The following EPN2 variants were observed in gnomAD, a reference collection of about 807,000 sequenced individuals.
The protein encoded by EPN2 is epsin 2, also known as epsin-2.
EPN2 carries 34 observed loss-of-function variants against 61.7 expected under a neutral mutation model. That is an observed-to-expected ratio of 0.55 (90% confidence interval 0.42 to 0.73). The LOEUF is 0.73. Among genes scored for constraint, EPN2 ranks in the 30% least tolerant of loss-of-function variants. The pLI is 0.00. For synonymous variants in EPN2, 349 were observed against 353.6 expected (o/e 0.99, Z 0.15); for missense variants, 714 against 839.2 (o/e 0.85, Z 1.84).
chr17:19,330,957 G>A (rs965240041), intron 9 of EPN2, among the ~76,000 whole-genome samples: 2 of 152,180 alleles, frequency 1.3e-5, no homozygotes, highest in African/African-American at 4.8e-5. Flanking sequence ...AGCCTTGATC[G>A]ATCGCCCAGG....
intron 4 of EPN2, among the ~76,000 whole-genome samples, chr17:19,291,162 G>A (rs1466290969): frequency 6.6e-6 from 1 of 152,230 alleles, no homozygotes; most frequent in Non-Finnish European, 1.5e-5. Flanking sequence ...GAAAAGCCAG[G>A]ATTGTATACA....
intron 1 of EPN2, among the ~76,000 whole-genome samples, chr17:19,256,114 T>C (rs893077974): frequency 1.3e-5 from 2 of 151,900 alleles, no homozygotes; most frequent in African/African-American, 2.4e-5. Context: ...ATTTTTTGTA[T>C]TTTTAGTAGA....
At chr17:19,267,288 T>G (rs1046895091) in intron 1 of EPN2, among the ~76,000 whole-genome samples, 2 of 151,940 alleles carry the variant, frequency 1.3e-5, no homozygotes, top group Non-Finnish European at 2.9e-5. Context: ...GTTGAAAATG[T>G]TTTGGAATAA....
chr17:19,283,728 G>A lies in EPN2; in HGVS notation c.595+14G>A, dbSNP rs751012152. The A allele has an allele frequency of 1.9e-6, 3 of 1,553,306 alleles. No homozygotes were observed. The highest frequency in any genetic ancestry group is 1.2e-5 in the South Asian group (1 of 83,722). On this transcript the variant is annotated intron_variant, in intron 3 of 10. Coordinates refer to ENST00000314728, the MANE Select transcript of EPN2 (RefSeq NM_014964.5). This position sits in a 1 kb window ranked among gnomAD's most constrained non-coding sequence, Gnocchi z 7.0. ...CCTACCATGGCTGTGAGTAATGGAAGTGCTTCTCACCCTTTGCCAGAGCAG... is the reference window on the plus strand; with the variant it reads ...CCTACCATGGCTGTGAGTAATGGAAATGCTTCTCACCCTTTGCCAGAGCAG...
intron 7 of EPN2, among the ~76,000 whole-genome samples, chr17:19,319,028 C>T (rs1906521370): frequency 1.3e-5 from 2 of 151,964 alleles, no homozygotes; most frequent in South Asian, 4.1e-4. Flanking sequence ...GAAACCCCGT[C>T]TCTACTAAAA....
intron 1 of EPN2, among the ~76,000 whole-genome samples, chr17:19,258,520 A>C (rs561499924): frequency 6.6e-6 from 1 of 152,298 alleles, no homozygotes; most frequent in African/African-American, 2.4e-5. Context: ...GGAAATTGGC[A>C]GTGGGTGTCA....
chr17:19,295,364 A>G (rs62065868), intron 4 of EPN2, among the ~76,000 whole-genome samples: 28,869 of 81,060 alleles, frequency 0.36, 3,750 homozygotes, highest in East Asian at 0.57. Flanking sequence ...ACACACACAC[A>G]CACGCGCGTG....
intron 1 of EPN2, among the ~76,000 whole-genome samples, chr17:19,261,760 C>T (rs1367434322): frequency 1.3e-5 from 2 of 152,218 alleles, no homozygotes; most frequent in Non-Finnish European, 2.9e-5. Context: ...ACCTCAGTGG[C>T]CTAACAGCAG....
rs544931680 is a variant in EPN2 at position 19,259,111 on chromosome 17, CAT to C, written c.-294+21582_-294+21583del. Among the ~76,000 whole-genome samples, 172 of 152,274 alleles carry C rather than the reference CAT, an allele frequency of 1.1e-3. 1 individual carries two copies. The highest frequency in any genetic ancestry group is 3.9e-3 in the African/African-American group (163 of 41,546). ...TCAAAGAAAAAAATTCATTATATAA[CAT>C]AGCGGCTGCTGAATCAAGTCTTGGA... On this transcript the variant is annotated intron_variant, in intron 1 of 10. Transcript: ENST00000314728.
In EPN2 at chr17:19,328,829, G is replaced by A; in HGVS notation, c.1266G>A (p.Gly422=). The part of the protein sequence containing the change: ...AASQQPASSA[G]KRASDAWGAV... Reference sequence around the variant, plus strand: ...CACAGCAGCCTGCCTCCAGTGCTGGGAAAAGAGCTTCTGACGCGTGGGGCG... The same window carrying A: ...CACAGCAGCCTGCCTCCAGTGCTGGAAAAAGAGCTTCTGACGCGTGGGGCG... The change falls in exon 8 of 11, where the codon GGG becomes GGA. Residue 422 remains glycine (G), a synonymous_variant. Transcript: ENST00000314728. 1.9e-6 allele frequency: 3 copies of A among 1,613,588 alleles called. No homozygotes were observed. Among genetic ancestry groups the A allele is most frequent in the Non-Finnish European group, 2.5e-6 (3 of 1,179,690 alleles).
In EPN2 at chr17:19,285,809, T is replaced by C; in HGVS notation, c.766+19T>C. ...GCCCGAGGTGGGACGGCGGTTTGCT[T>C]TTTTCCTTACTAGAAATGCTGGGCA... is the stretch of plus-strand genomic sequence containing the variant. On this transcript the variant is annotated intron_variant, in intron 4 of 10. Coordinates refer to ENST00000314728, the MANE Select transcript of EPN2 (RefSeq NM_014964.5). The surrounding 1 kb of genome is among the most constrained non-coding windows in gnomAD (Gnocchi z 4.5). 6.4e-7 allele frequency: 1 copy of C among 1,555,468 alleles called. No individual in the cohort carries two copies. Among genetic ancestry groups the C allele is most frequent in the Non-Finnish European group, 8.7e-7 (1 of 1,146,676 alleles).
chr17:19,293,484 C>T (rs1836403268), intron 4 of EPN2, among the ~76,000 whole-genome samples: 2 of 150,900 alleles, frequency 1.3e-5, no homozygotes, highest in African/African-American at 4.9e-5. Context: ...GATGCTCTCA[C>T]CTTAACCTCC....
At chr17:19,300,085 C>T (rs527441776) in intron 4 of EPN2, among the ~76,000 whole-genome samples, 2 of 152,306 alleles carry the variant, frequency 1.3e-5, no homozygotes, top group Admixed American at 6.5e-5. Context: ...AGCCTAGGTG[C>T]CACCTAGCTG....
At chr17:19,298,406 G>C (rs1301069871) in intron 4 of EPN2, among the ~76,000 whole-genome samples, 1 of 152,158 alleles carries the variant, frequency 6.6e-6, no homozygotes, top group Non-Finnish European at 1.5e-5. Flanking sequence ...ATTTTGGCTA[G>C]GCTGGTCTCA....
chr17:19,243,384 ATTTTTTTTT>A (rs1013094131), intron 1 of EPN2, among the ~76,000 whole-genome samples: 225 of 77,254 alleles, frequency 2.9e-3, no homozygotes, highest in Non-Finnish European at 4.0e-3. Context: ...TGCCTGGCTA[ATTTTTTTTT>A]TTTTTTTTTT....
At chr17:19,254,878 G>A (rs929205521) in intron 1 of EPN2, among the ~76,000 whole-genome samples, 11 of 152,168 alleles carry the variant, frequency 7.2e-5, no homozygotes, top group Admixed American at 2.6e-4. Context: ...GTACCTCAGC[G>A]ACATAGGCAA....
chr17:19,249,813 A>G (rs983185651), intron 1 of EPN2, among the ~76,000 whole-genome samples: 1 of 152,120 alleles, frequency 6.6e-6, no homozygotes, highest in African/African-American at 2.4e-5. Flanking sequence ...ACAGGTCTTA[A>G]TGGGCTGGGG....
intron 4 of EPN2, among the ~76,000 whole-genome samples, chr17:19,298,533 G>A (rs372741159): frequency 6.6e-6 from 1 of 152,110 alleles, no homozygotes; most frequent in East Asian, 1.9e-4. Flanking sequence ...CTGGGGTCTC[G>A]CTATATCACT....
chr17:19,260,393 G>T (rs566779328), intron 1 of EPN2, among the ~76,000 whole-genome samples: 2 of 152,322 alleles, frequency 1.3e-5, no homozygotes, highest in East Asian at 3.9e-4. Flanking sequence ...AGCTGGAGGG[G>T]CCTGGAAGAG....
Sources: gnomAD v4.1 joint callset for allele counts (sites outside exome capture counted in the v4.1 genomes callset) on GRCh38, gnomAD v4.1.1 for gene constraint, Gnocchi (gnomAD v3.1) non-coding constraint, MANE v1.5 for transcripts, NCBI Gene and HGNC (gene_info 2026-07-23, HGNC 2026-07-21) for gene names.